The following CAMTA1 variants were observed in gnomAD, a reference collection of about 807,000 sequenced individuals.
CAMTA1 encodes calmodulin-binding transcription activator 1.
CAMTA1 carries 27 observed loss-of-function variants against 170.9 expected under a neutral mutation model. The observed-to-expected ratio is 0.16, with a 90% CI of 0.12 to 0.22. The LOEUF is 0.22. CAMTA1 is among the 10% of genes least tolerant of loss of function. The pLI is 1.00. For synonymous variants in CAMTA1, 833 were observed against 891.5 expected (o/e 0.93, Z 1.17); for missense variants, 1,619 against 2,217.2 (o/e 0.73, Z 5.42).
chr1:6,956,484 C>A (rs1232227849), intron 3 of CAMTA1, among the ~76,000 whole-genome samples: 1 of 152,186 alleles, frequency 6.6e-6, no homozygotes. Context: ...ACAGTAATTA[C>A]AGTATAGTTG....
At chr1:7,108,270 G>T (rs1029273937) in intron 4 of CAMTA1, among the ~76,000 whole-genome samples, 1 of 152,140 alleles carries the variant, frequency 6.6e-6, no homozygotes, top group East Asian at 1.9e-4. Flanking sequence ...CCTTCTCACC[G>T]TGCCTCAGTT....
chr1:7,235,682 G>A (rs1663695473), intron 4 of CAMTA1, among the ~76,000 whole-genome samples: 2 of 152,160 alleles, frequency 1.3e-5, no homozygotes, highest in Admixed American at 6.5e-5. Flanking sequence ...GAAGCTCTTC[G>A]GAAGCACCAG....
chr1:6,818,107 C>T (rs1646045775), intron 1 of CAMTA1, among the ~76,000 whole-genome samples: 1 of 152,096 alleles, frequency 6.6e-6, no homozygotes, highest in Admixed American at 6.6e-5. Context: ...GAGGCCGAGG[C>T]TGGCAGATCA....
At chr1:6,818,990 A>G (rs1646166555) in intron 1 of CAMTA1, among the ~76,000 whole-genome samples, 1 of 151,980 alleles carries the variant, frequency 6.6e-6, no homozygotes, top group Non-Finnish European at 1.5e-5. Context: ...TCTGTTGCCC[A>G]GGCTGGAGCA....
At chr1:7,480,400 T>A (rs780488296) in intron 6 of CAMTA1, among the ~76,000 whole-genome samples, 22 of 150,568 alleles carry the variant, frequency 1.5e-4, no homozygotes, top group African/African-American at 2.4e-4. Context: ...TATGAGAGTG[T>A]GTGTGTGTGT....
intron 5 of CAMTA1, chr1:7,382,385 G>A (rs2149072232): frequency 6.6e-6 from 1 of 152,338 alleles, no homozygotes; most frequent in East Asian, 1.9e-4. Flanking sequence ...TACTTGGAGA[G>A]GATGTGCGCT....
chr1:7,519,381 C>T (rs948004716), intron 6 of CAMTA1, among the ~76,000 whole-genome samples: 5 of 152,002 alleles, frequency 3.3e-5, no homozygotes, highest in Non-Finnish European at 5.9e-5. Flanking sequence ...AGCATGGCCA[C>T]TGCTCAGGCT....
chr1:6,985,209 A>G (rs1266736450), intron 3 of CAMTA1, among the ~76,000 whole-genome samples: 1 of 152,224 alleles, frequency 6.6e-6, no homozygotes, highest in African/African-American at 2.4e-5. Context: ...CTGTAGGAAG[A>G]GAACTGCAGC....
Position 7,392,033 on chromosome 1 carries a change from T to C in CAMTA1, c.439-75797T>C, listed in dbSNP as rs544739813. Among the ~76,000 whole-genome samples the C allele has an allele frequency of 1.6e-4, 24 of 152,340 alleles. No individual in the cohort carries two copies. In the East Asian group the frequency reaches 3.9e-3, roughly 25 times the overall value. On this transcript the variant is annotated intron_variant, in intron 5 of 22. Coordinates refer to ENST00000303635, the MANE Select transcript of CAMTA1 (RefSeq NM_015215.4). ...CTTGGGAAAATATATAGAGGTAAGA[T>C]TGCCAGGTCGTATAGTAAATCTGTT...
At position 7,067,579 on chromosome 1, in the gene CAMTA1, C is replaced by T. The variant is rs1001767898; in HGVS notation, c.235-23725C>T. Among the ~76,000 whole-genome samples, 8 of 152,266 alleles carry T rather than the reference C, an allele frequency of 5.3e-5. No homozygotes were observed. The South Asian group carries it at 6.2e-4, about 12-fold the overall frequency. ...GGAACCATGTTCCTTGCAAGGCATACGGCAAAGAACAAGGTAGATAAGTTC... is the reference window on the plus strand; with the variant it reads ...GGAACCATGTTCCTTGCAAGGCATATGGCAAAGAACAAGGTAGATAAGTTC... On this transcript the variant is annotated intron_variant, in intron 3 of 22. Transcript: ENST00000303635. This position sits in a 1 kb window ranked among gnomAD's most constrained non-coding sequence, Gnocchi z 4.3.
At chr1:7,055,205 G>T (rs1409620419) in intron 3 of CAMTA1, among the ~76,000 whole-genome samples, 3 of 152,204 alleles carry the variant, frequency 2.0e-5, no homozygotes, top group Admixed American at 6.5e-5. Flanking sequence ...ATATCAGATA[G>T]TAATAGCACC....
chr1:7,154,282 G>A (rs1450440262), intron 4 of CAMTA1, among the ~76,000 whole-genome samples: 1 of 152,116 alleles, frequency 6.6e-6, no homozygotes, highest in African/African-American at 2.4e-5. Flanking sequence ...GTCTGTAGGT[G>A]TTGAGGTTTG....
At chr1:7,472,432 G>A (rs2093349072) in intron 6 of CAMTA1, among the ~76,000 whole-genome samples, 1 of 152,110 alleles carries the variant, frequency 6.6e-6, no homozygotes, top group Non-Finnish European at 1.5e-5. Context: ...TCCTGGCTGG[G>A]CAGTGAGCCT....
At chr1:6,886,802 G>A (rs1673366361) in intron 3 of CAMTA1, among the ~76,000 whole-genome samples, 1 of 152,198 alleles carries the variant, frequency 6.6e-6, no homozygotes, top group Admixed American at 6.5e-5. Flanking sequence ...AATAGTGAGG[G>A]AGAGAAATGA....
intron 11 of CAMTA1, among the ~76,000 whole-genome samples, chr1:7,703,303 C>G (rs185055319): frequency 1.6e-4 from 24 of 152,004 alleles, no homozygotes; most frequent in Admixed American, 1.4e-3. Flanking sequence ...GCGTGGTGAC[C>G]CGGGGGGCGG....
At chr1:7,185,293 T>G (rs1653033384) in intron 4 of CAMTA1, among the ~76,000 whole-genome samples, 1 of 152,134 alleles carries the variant, frequency 6.6e-6, no homozygotes, top group Non-Finnish European at 1.5e-5. Context: ...CTTAAATAAC[T>G]TCTCCACTAA....
intron 10 of CAMTA1, among the ~76,000 whole-genome samples, chr1:7,677,080 C>T (rs1429288958): frequency 1.3e-5 from 2 of 152,170 alleles, no homozygotes; most frequent in Non-Finnish European, 2.9e-5. Context: ...AACAGAGGCA[C>T]ATCTGAAGCT....
At chr1:7,559,963 C>T (rs995123754) in intron 6 of CAMTA1, among the ~76,000 whole-genome samples, 2 of 152,318 alleles carry the variant, frequency 1.3e-5, no homozygotes, top group Middle Eastern at 6.8e-3. Flanking sequence ...CTCTGCTGTT[C>T]TTAGGAAACC....
chr1:7,188,780 CAT>C (rs1359217158), intron 4 of CAMTA1, among the ~76,000 whole-genome samples: 2 of 152,178 alleles, frequency 1.3e-5, no homozygotes, highest in African/African-American at 4.8e-5. Context: ...TAGGTGTACA[CAT>C]GTTTGTTCAG....
Sources: gnomAD v4.1 joint callset for allele counts (sites outside exome capture counted in the v4.1 genomes callset) on GRCh38, gnomAD v4.1.1 for gene constraint, Gnocchi (gnomAD v3.1) non-coding constraint, MANE v1.5 for transcripts, NCBI Gene and HGNC (gene_info 2026-07-23, HGNC 2026-07-21) for gene names.